Variants in HECW1 observed in about 807,000 individuals in gnomAD.
HECW1 encodes E3 ubiquitin-protein ligase HECW1.
Under a neutral mutation model 182.3 loss-of-function variants are expected in HECW1, and 61 were observed. The ratio of observed to expected loss-of-function variants is 0.33; its 90% CI spans 0.27 to 0.41. The LOEUF (loss-of-function observed/expected upper bound fraction) is 0.41. Ranked by LOEUF, HECW1 falls within the 10% of genes least tolerant of loss-of-function variation. The pLI, the probability that HECW1 is intolerant of heterozygous loss-of-function variation, is 1.00. For synonymous variants in HECW1, 859 were observed against 832.6 expected (o/e 1.03, Z -0.55); for missense variants, 1,739 against 2,108.9 (o/e 0.82, Z 3.44).
At chr7:43,122,333 T>C (rs1785715702) in intron 2 of HECW1, among the ~76,000 whole-genome samples, 1 of 152,182 alleles carries the variant, frequency 6.6e-6, no homozygotes, top group African/African-American at 2.4e-5. Flanking sequence ...AGTAACTCTT[T>C]CCAGGTGATG....
chr7:43,138,584 A>T (rs897865879), intron 2 of HECW1, among the ~76,000 whole-genome samples: 3 of 152,148 alleles, frequency 2.0e-5, no homozygotes, highest in Admixed American at 2.0e-4. Context: ...CAGTCTATTT[A>T]CCACCCCTAT....
chr7:43,368,436 C>T (rs1305614540), intron 6 of HECW1, among the ~76,000 whole-genome samples: 1 of 152,184 alleles, frequency 6.6e-6, no homozygotes, highest in Non-Finnish European at 1.5e-5. Context: ...CTGCAAAAGT[C>T]CCTTCAGGTT....
intron 2 of HECW1, among the ~76,000 whole-genome samples, chr7:43,181,487 A>G (rs1342543135): frequency 6.6e-6 from 1 of 150,854 alleles, no homozygotes; most frequent in Non-Finnish European, 1.5e-5. Context: ...CTTTTTCTCC[A>G]CACCCCACCA....
At chr7:43,460,050 A>T (rs768078460) in intron 13 of HECW1, among the ~76,000 whole-genome samples, 39 of 152,246 alleles carry the variant, frequency 2.6e-4, no homozygotes, top group Non-Finnish European at 4.4e-4. Context: ...ACCTGATTTC[A>T]TATTGTTGAA....
chr7:43,315,416 G>A (rs1350307959), intron 4 of HECW1, among the ~76,000 whole-genome samples: 1 of 151,834 alleles, frequency 6.6e-6, no homozygotes, highest in Non-Finnish European at 1.5e-5. Flanking sequence ...TGGCCTAGTA[G>A]TAAGAAAGAC....
intron 2 of HECW1, among the ~76,000 whole-genome samples, chr7:43,202,806 T>G (rs1242979226): frequency 6.6e-6 from 1 of 152,096 alleles, no homozygotes; most frequent in African/African-American, 2.4e-5. Flanking sequence ...ACGAAAGAAG[T>G]GAAAATGGCT....
intron 3 of HECW1, among the ~76,000 whole-genome samples, chr7:43,270,277 AG>A (rs1802252916): frequency 6.6e-6 from 1 of 152,236 alleles, no homozygotes. Context: ...GTTGTAAGTC[AG>A]ATGTCAGCTG....
At chr7:43,180,637 C>T (rs1792756744) in intron 2 of HECW1, among the ~76,000 whole-genome samples, 2 of 152,202 alleles carry the variant, frequency 1.3e-5, no homozygotes, top group African/African-American at 4.8e-5. Flanking sequence ...CCTCGTGATC[C>T]ACCCGCCTTG....
At chr7:43,190,270 C>T (rs1486793449) in intron 2 of HECW1, among the ~76,000 whole-genome samples, 2 of 152,104 alleles carry the variant, frequency 1.3e-5, no homozygotes, top group East Asian at 1.9e-4. Context: ...TGTACCACCA[C>T]GCCTGGCTAA....
chr7:43,184,969 G>A (rs1159773442), intron 2 of HECW1, among the ~76,000 whole-genome samples: 1 of 152,062 alleles, frequency 6.6e-6, no homozygotes, highest in East Asian at 1.9e-4. Context: ...ACAGTACCAA[G>A]GGAGCATGGT....
intron 5 of HECW1, among the ~76,000 whole-genome samples, chr7:43,328,148 A>G (rs988845586): frequency 6.6e-6 from 1 of 151,874 alleles, no homozygotes; most frequent in African/African-American, 2.4e-5. Flanking sequence ...TGAGACCTCC[A>G]TCTCTACAAA....
intron 24 of HECW1, among the ~76,000 whole-genome samples, chr7:43,528,987 C>T (rs1413014075): frequency 6.6e-6 from 1 of 152,072 alleles, no homozygotes; most frequent in Admixed American, 6.6e-5. Flanking sequence ...TTTACACATT[C>T]CCCAAAACAG....
chr7:43,433,377 T>C (rs1282989977), intron 8 of HECW1, among the ~76,000 whole-genome samples: 1 of 152,194 alleles, frequency 6.6e-6, no homozygotes, highest in East Asian at 1.9e-4. Flanking sequence ...CTTTAAACAC[T>C]ACCAGTGCCC....
rs528097981 is a variant in HECW1, at chr7:43,440,339, C to T, written c.945-2190C>T. 2.0e-5 allele frequency: 3 copies of T among 152,534 alleles called. No homozygotes were observed. The East Asian group carries it at 5.8e-4, about 29-fold the overall frequency. 9.4% of individuals were successfully genotyped at this position (152,534 alleles called of 1,614,324 possible). A position where few individuals can be genotyped will look rare whatever the true frequency, so the allele number is the denominator to read the frequency against. On this transcript the variant is annotated intron_variant, in intron 9 of 29. Transcript: ENST00000395891. Reference sequence around the variant, plus strand: ...TCCCCCCTGGGCACACATGCACTCTCATTTCCAATCCTCCTTCGATTCCTT... The same window carrying T: ...TCCCCCCTGGGCACACATGCACTCTTATTTCCAATCCTCCTTCGATTCCTT...
chr7:43,407,881 A>G, intron 8 of HECW1, 150 bp downstream of exon 8: 1 of 684,958 alleles, frequency 1.5e-6, no homozygotes, highest in Non-Finnish European at 2.4e-6. Context: ...CATGTTCTCC[A>G]GGGGTTGCAA....
chr7:43,145,939 C>T (rs928894790), intron 2 of HECW1, among the ~76,000 whole-genome samples: 5 of 152,130 alleles, frequency 3.3e-5, no homozygotes, highest in African/African-American at 1.2e-4. Context: ...TCCTTCCTTC[C>T]TTGCACAGTG....
chr7:43,395,004 C>G (rs1307273230), intron 6 of HECW1, among the ~76,000 whole-genome samples: 4 of 149,098 alleles, frequency 2.7e-5, no homozygotes, highest in Non-Finnish European at 5.9e-5. Context: ...TGCAGTGGGT[C>G]AGTTCCTGGG....
chr7:43,203,423 G>T (rs1271231213), intron 2 of HECW1, among the ~76,000 whole-genome samples: 3 of 151,854 alleles, frequency 2.0e-5, no homozygotes, highest in African/African-American at 7.2e-5. Context: ...ACTGAACAAA[G>T]GATAAGGATA....
At chr7:43,182,840 T>C in intron 2 of HECW1, among the ~76,000 whole-genome samples, 1 of 152,202 alleles carries the variant, frequency 6.6e-6, no homozygotes, top group East Asian at 1.9e-4. Context: ...TGTATTTGTG[T>C]CCTCTTCAAT....
Sources: allele counts gnomAD v4.1 joint callset (sites outside exome capture counted in the v4.1 genomes callset), GRCh38; gene constraint gnomAD v4.1.1; transcripts MANE v1.5; gene names NCBI Gene and HGNC (gene_info 2026-07-23, HGNC 2026-07-21).